SYCE2: variants seen among roughly 807,000 people sequenced by gnomAD.
SYCE2 encodes the protein central element synaptonemal complex 1.
In SYCE2, 3 loss-of-function variants were observed where a neutral mutation model predicts 27.9. The ratio of observed to expected loss-of-function variants is 0.11; its 90% CI spans 0.05 to 0.28. The LOEUF (loss-of-function observed/expected upper bound fraction) is 0.28, where lower values mean the gene tolerates loss of function less well. Among genes scored for constraint, SYCE2 ranks in the 10% least tolerant of loss-of-function variants. SYCE2 has a pLI of 1.00. For missense variants in SYCE2, 207 were observed against 263.5 expected, an observed-to-expected ratio of 0.79 and a Z score of 1.48; for synonymous variants, 85 against 100.7, an observed-to-expected ratio of 0.84 and a Z score of 0.93.
intron 5 of SYCE2, 65 bp downstream of exon 5, chr19:12,899,939 G>A: frequency 6.2e-7 from 1 of 1,611,462 alleles, no homozygotes; most frequent in Non-Finnish European, 8.5e-7. Context: ...AGCAGAGTGA[G>A]GGAGAGGAAA....
chr19:12,907,620 G>A (rs779957753), intron 2 of SYCE2, among the ~76,000 whole-genome samples: 5 of 151,650 alleles, frequency 3.3e-5, no homozygotes, highest in African/African-American at 1.2e-4. Context: ...GTGAAACCCC[G>A]TCTCTACTAA....
In SYCE2 at chr19:12,899,185, T is replaced by G; in HGVS notation, c.*156A>C. The G allele has an allele frequency of 1.5e-6, 1 of 681,138 alleles. No homozygotes were observed. Among genetic ancestry groups the G allele is most frequent in the Non-Finnish European group, 2.5e-6 (1 of 396,698 alleles). The allele number at this position is 681,138 out of a possible 1,614,324, so 42.2% of individuals were successfully genotyped here. On this transcript the variant is annotated 3_prime_UTR_variant, in exon 6 of 6. Coordinates refer to ENST00000293695, the MANE Select transcript of SYCE2 (RefSeq NM_001105578.2). ...TATGGCAGGGGCTGGACTTGCTACA[T>G]TTTGGGAGTTCAGCACAAGGAGCTT...
chr19:12,902,908 G>A (rs145117341), intron 3 of SYCE2, among the ~76,000 whole-genome samples: 134 of 150,016 alleles, frequency 8.9e-4, no homozygotes, highest in Admixed American at 2.0e-3. Flanking sequence ...TATTTTGTTT[G>A]TTTGTTTGTT....
intron 3 of SYCE2, among the ~76,000 whole-genome samples, chr19:12,903,259 T>C (rs1045372416): frequency 3.4e-5 from 5 of 148,802 alleles, no homozygotes; most frequent in Non-Finnish European, 6.0e-5. Context: ...GCCCAGCTAA[T>C]TTTTTGTATT....
rs577559937 is a variant in SYCE2, at chr19:12,907,739, T to G, written c.132-3073A>C. 4.2e-3 allele frequency among the ~76,000 whole-genome samples: 641 copies of G among 152,158 alleles called. 7 individuals carry two copies. The highest frequency in any genetic ancestry group is 0.011 in the South Asian group (52 of 4,814). On this transcript the variant is annotated intron_variant, in intron 2 of 5. Transcript: ENST00000293695. Reference sequence around the variant, plus strand: ...CTGGGAGGCAGAGGTTGCAGTGAGCTGAGATCGTGCCACTGCACTCCAGCC... The same window carrying G: ...CTGGGAGGCAGAGGTTGCAGTGAGCGGAGATCGTGCCACTGCACTCCAGCC...
chr19:12,905,150 C>G (rs1288041801), intron 2 of SYCE2, among the ~76,000 whole-genome samples: 1 of 152,066 alleles, frequency 6.6e-6, no homozygotes, highest in Non-Finnish European at 1.5e-5. Context: ...CATTCACACA[C>G]ACGCCCTGAA....
chr19:12,904,626 G>A lies in SYCE2; in HGVS notation c.172C>T (p.Leu58Phe), dbSNP rs2145967633. 6.2e-7 allele frequency: 1 copy of A among 1,613,990 alleles called. No homozygotes were observed. The highest frequency in any genetic ancestry group is 1.7e-5 in the Admixed American group (1 of 59,982). ...QLTVLEGKSG[L>F]YFSSLDSSID... The stretch of plus-strand genomic sequence containing the variant: ...CTTGAGTCCAGAGAGGAGAAGTAGA[G>A]TCCCGACTTCCCTTCCAGGACCGTC... Residue 58 changes from leucine to phenylalanine, a missense_variant, in exon 3 of 6, where the codon CTC (leucine) becomes TTC (phenylalanine). Physicochemically the swap from Leu to Phe is conservative, Grantham distance 22. Transcript: ENST00000293695.
chr19:12,904,156 G>C (rs923472472), intron 3 of SYCE2, among the ~76,000 whole-genome samples: 4 of 152,164 alleles, frequency 2.6e-5, no homozygotes, highest in African/African-American at 9.7e-5. Context: ...CCAACGCCCC[G>C]CTCCCTCAGC....
At position 12,919,194 on chromosome 19, in the gene SYCE2, C is replaced by T. The variant is rs781726940; in HGVS notation, c.15+49G>A. 4 of 1,606,362 alleles carry T rather than the reference C, an allele frequency of 2.5e-6. No homozygotes were observed. The Admixed American group carries it at 6.7e-5, about 27-fold the overall frequency. ...GGCTGGGATCGCAGCCGTTCCCTGCCTATCTGTCCGCCCGCCCCACGCGCG... is the reference window on the plus strand; with the variant it reads ...GGCTGGGATCGCAGCCGTTCCCTGCTTATCTGTCCGCCCGCCCCACGCGCG... On this transcript the variant is annotated intron_variant, in intron 1 of 5. Coordinates refer to ENST00000293695, the MANE Select transcript of SYCE2 (RefSeq NM_001105578.2).
intron 2 of SYCE2, among the ~76,000 whole-genome samples, chr19:12,910,735 T>C (rs1488544156): frequency 1.3e-5 from 2 of 151,362 alleles, no homozygotes; most frequent in African/African-American, 4.9e-5. Context: ...TGGAGTGCAG[T>C]GGCACAATCT....
chr19:12,916,320 C>T (rs772766928), intron 2 of SYCE2, among the ~76,000 whole-genome samples: 1 of 152,086 alleles, frequency 6.6e-6, no homozygotes, highest in African/African-American at 2.4e-5. Flanking sequence ...CCGCCTGCCT[C>T]GGCCTCCCAA....
chr19:12,908,434 C>T (rs1291594820), intron 2 of SYCE2, among the ~76,000 whole-genome samples: 2 of 152,106 alleles, frequency 1.3e-5, no homozygotes, highest in African/African-American at 4.8e-5. Context: ...ACGCCATTCT[C>T]TTTCCTCAGC....
chr19:12,899,858 C>T (rs559071319), intron 5 of SYCE2, 146 bp downstream of exon 5: 1 of 1,581,530 alleles, frequency 6.3e-7, no homozygotes, highest in Non-Finnish European at 8.7e-7. Flanking sequence ...GCAGCTGACC[C>T]CCTCACACTG....
At chr19:12,901,124 G>A (rs964362324) in intron 3 of SYCE2, among the ~76,000 whole-genome samples, 4 of 151,276 alleles carry the variant, frequency 2.6e-5, no homozygotes, top group Non-Finnish European at 5.9e-5. Flanking sequence ...AGCTGAGATC[G>A]CGCCACTGCA....
chr19:12,899,915 A>G, intron 5 of SYCE2, 89 bp downstream of exon 5: 1 of 1,582,044 alleles, frequency 6.3e-7, no homozygotes, highest in African/African-American at 1.4e-5. Flanking sequence ...GTAGTGCCTT[A>G]TGCTGGGTGT....
chr19:12,899,180 C>T lies in SYCE2; in HGVS notation c.*161G>A. Reference sequence around the variant, plus strand: ...GGGCCTATGGCAGGGGCTGGACTTGCTACATTTTGGGAGTTCAGCACAAGG... The same window carrying T: ...GGGCCTATGGCAGGGGCTGGACTTGTTACATTTTGGGAGTTCAGCACAAGG... On this transcript the variant is annotated 3_prime_UTR_variant, in exon 6 of 6. Coordinates refer to ENST00000293695, the MANE Select transcript of SYCE2 (RefSeq NM_001105578.2). 1.5e-6 allele frequency: 1 copy of T among 668,418 alleles called. No homozygotes were observed. Among genetic ancestry groups the T allele is most frequent in the Admixed American group, 2.5e-5 (1 of 39,938 alleles). The allele number at this position is 668,418 out of a possible 1,614,324, so 41.4% of individuals were successfully genotyped here. A position where few individuals can be genotyped will look rare whatever the true frequency, so the allele number is the denominator to read the frequency against.
chr19:12,908,276 CTTT>C (rs34286819), intron 2 of SYCE2, among the ~76,000 whole-genome samples: 99 of 85,520 alleles, frequency 1.2e-3, no homozygotes, highest in African/African-American at 4.1e-3. Context: ...ATTTTCTGGG[CTTT>C]TTTTTTTTTT....
chr19:12,915,339 G>A (rs572933413), intron 2 of SYCE2, among the ~76,000 whole-genome samples: 10 of 152,234 alleles, frequency 6.6e-5, no homozygotes, highest in South Asian at 6.2e-4. Context: ...GGTGGCTCAC[G>A]CCTATAATCT....
intron 2 of SYCE2, among the ~76,000 whole-genome samples, chr19:12,910,152 A>G (rs1189931836): frequency 6.6e-6 from 1 of 152,168 alleles, no homozygotes; most frequent in Non-Finnish European, 1.5e-5. Flanking sequence ...GGCGTGAGCC[A>G]CCATGCCCGG....
Sources: allele counts gnomAD v4.1 joint callset (sites outside exome capture counted in the v4.1 genomes callset), GRCh38; gene constraint gnomAD v4.1.1; transcripts MANE v1.5; gene names NCBI Gene and HGNC (gene_info 2026-07-23, HGNC 2026-07-21).